Variants in ZFPL1 observed in about 807,000 individuals in gnomAD.
ZFPL1 encodes the protein zinc finger protein-like 1.
ZFPL1 carries 28 observed loss-of-function variants against 32.0 expected under a neutral mutation model. The ratio of observed to expected loss-of-function variants is 0.87; its 90% CI spans 0.65 to 1.20. The LOEUF (loss-of-function observed/expected upper bound fraction) is 1.20. Ranked by LOEUF, ZFPL1 falls within the 50% of genes most tolerant of loss-of-function variation. The probability of loss-of-function intolerance (pLI) is 0.00; values close to 1 mark genes in which losing one functional copy is unlikely to be tolerated. For missense variants in ZFPL1, 386 were observed against 424.8 expected (o/e 0.91, Z 0.80); for synonymous variants, 165 against 177.0 (o/e 0.93, Z 0.54).
In ZFPL1 at chr11:65,084,814, G is replaced by C. The variant is rs372249914; in HGVS notation, c.102+14G>C. 2.5e-5 allele frequency: 40 copies of C among 1,613,798 alleles called. No homozygotes were observed. The highest frequency in any genetic ancestry group is 4.0e-5 in the African/African-American group (3 of 74,922). ...AATCACGCCAAGGTGGGGCCTTCAG[G>C]GGAGCGACTGAGCAGGGCACTGGGT... On this transcript the variant is annotated intron_variant, in intron 2 of 7. Transcript: ENST00000294258.
rs187224214 is a variant in ZFPL1 at position 65,087,611 on chromosome 11, C to T, written c.746+178C>T. ...GCAGCAGAAGCTGTGTTTTGCTTCT[C>T]TCTGGGACTGTCTCTATGCCTCCTA... On this transcript the variant is annotated intron_variant, in intron 7 of 7. Transcript: ENST00000294258. 2.3e-5 allele frequency: 15 copies of T among 659,810 alleles called. No individual in the cohort carries two copies. The East Asian group carries it at 3.0e-4, about 13-fold the overall frequency. 40.9% of individuals were successfully genotyped at this position (659,810 alleles called of 1,614,324 possible).
rs1947696756 is a variant in ZFPL1, at chr11:65,088,024, C to G, written c.843C>G (p.Ala281=). ...TGCTGGGCTTCCTGGCCCTCCTTGC[C>G]CTCATGTCTCGCCTAGGCCGGGCCG... The part of the protein sequence containing the change: ...LGLLGFLALL[A]LMSRLGRAAA... Residue 281 remains alanine (A), a synonymous_variant, in exon 8 of 8, where the codon GCC becomes GCG. Coordinates refer to ENST00000294258, the MANE Select transcript of ZFPL1 (RefSeq NM_006782.4). The G allele has an allele frequency of 6.2e-7, 1 of 1,608,202 alleles. No individual in the cohort carries two copies. Among genetic ancestry groups the G allele is most frequent in the Non-Finnish European group, 8.5e-7 (1 of 1,178,680 alleles).
chr11:65,085,066 TA>T (rs762349183), intron 2 of ZFPL1, 48 bp from the exon 3 acceptor site: 33 of 1,568,222 alleles, frequency 2.1e-5, no homozygotes, highest in Non-Finnish European at 2.8e-5. Flanking sequence ...CTTGGGGTGA[TA>T]GGCCGAGCAG....
At position 65,088,329 on chromosome 11, in the gene ZFPL1, G is replaced by C. The variant is rs1947700245; in HGVS notation, c.*215G>C. 8.5e-7 allele frequency: 1 copy of C among 1,170,480 alleles called. No homozygotes were observed. Among genetic ancestry groups the C allele is most frequent in the Non-Finnish European group, 1.2e-6 (1 of 817,738 alleles). 72.5% of individuals were successfully genotyped at this position (1,170,480 alleles called of 1,614,324 possible). On this transcript the variant is annotated 3_prime_UTR_variant, in exon 8 of 8. Transcript: ENST00000294258. ...TTGTCTTGACTTGCTTTCCTCCCGG[G>C]TCTCCAGCCTCCGACCCCTCGCCCC...
rs1385286747 is a variant in ZFPL1, at chr11:65,088,092, A to G, written c.911A>G (p.His304Arg). 9 of 1,610,654 alleles carry G rather than the reference A, an allele frequency of 5.6e-6. No homozygotes were observed. The Admixed American group carries it at 1.5e-4, about 27-fold the overall frequency. ...AACCTGGACCCACTCATGAACCCTC[A>G]CATCCGCGTGGGCCCCTCCTGAGCC... ...DPNLDPLMNP[H>R]IRVGPS The change falls in exon 8 of 8, where the codon CAC becomes CGC. Residue 304 changes from histidine (H) to arginine (R), a missense_variant. His to Arg is a conservative substitution (Grantham distance 29). Coordinates refer to ENST00000294258, the MANE Select transcript of ZFPL1 (RefSeq NM_006782.4).
At chr11:65,085,842 A>G (rs919453753) in intron 3 of ZFPL1, 3 of 194,346 alleles carry the variant, frequency 1.5e-5, no homozygotes, top group African/African-American at 7.1e-5. Context: ...TGAATGGGTA[A>G]ATGTATGTAT....
At chr11:65,084,589 ATGAGAGGTGTCTGGGGGAGT>A in intron 1 of ZFPL1, 82 bp from the exon 2 acceptor site, 3 of 916,576 alleles carry the variant, frequency 3.3e-6, no homozygotes, top group Non-Finnish European at 5.2e-6. Context: ...CGGGGCGAAT[ATGAGAGGTGTCTGGGGGAGT>A]TAAGAGTGGA....
chr11:65,086,373 T>C (rs1352279666), intron 3 of ZFPL1, 42 bp from the exon 4 acceptor site: 1 of 1,612,990 alleles, frequency 6.2e-7, no homozygotes, highest in Non-Finnish European at 8.5e-7. Context: ...CCTAAGTGTC[T>C]TCTTCCTCAT....
chr11:65,084,884 C>T (rs1025650118), intron 2 of ZFPL1, 84 bp downstream of exon 2: 2 of 1,494,098 alleles, frequency 1.3e-6, no homozygotes, highest in African/African-American at 2.8e-5. Context: ...AGGGGCCCCG[C>T]GCTAGAATGT....
rs1052158133 is a variant in ZFPL1, at chr11:65,085,596, A to G, written c.214+370A>G. ...TCCACCACTGATTCCAAGGCTAAAC[A>G]GAGAGGAAGTGAGTTTCCCACATTA... On this transcript the variant is annotated intron_variant, in intron 3 of 7. Transcript: ENST00000294258. The G allele has an allele frequency of 5.1e-5, 15 of 296,124 alleles. 1 individual carries two copies. The highest frequency in any genetic ancestry group is 5.1e-4 in the Admixed American group (11 of 21,728). 18.3% of individuals were successfully genotyped at this position (296,124 alleles called of 1,614,324 possible).
rs1947699089 is a variant in ZFPL1, at chr11:65,088,203, T to C, written c.*89T>C. On this transcript the variant is annotated 3_prime_UTR_variant, in exon 8 of 8. Coordinates refer to ENST00000294258, the MANE Select transcript of ZFPL1 (RefSeq NM_006782.4). ...GGGGAGGCTGAGGGCACCTCTTCAC[T>C]GCCCCTCTCCCTCAAGCCTAAGACA... is the stretch of plus-strand genomic sequence containing the variant. 5 of 1,455,870 alleles carry C rather than the reference T, an allele frequency of 3.4e-6. No individual in the cohort carries two copies. Among genetic ancestry groups the C allele is most frequent in the Non-Finnish European group, 3.7e-6 (4 of 1,069,718 alleles). The allele number at this position is 1,455,870 out of a possible 1,614,324, so 90.2% of individuals were successfully genotyped here.
intron 3 of ZFPL1, 124 bp downstream of exon 3, chr11:65,085,350 C>A: frequency 1.2e-6 from 1 of 831,672 alleles, no homozygotes; most frequent in South Asian, 1.4e-5. Context: ...AGATTCTAGT[C>A]CTGTTAAAGT....
Position 65,084,287 on chromosome 11 carries a change from G to C in ZFPL1, c.-100G>C. The C allele has an allele frequency of 1.8e-6, 1 of 550,714 alleles. No homozygotes were observed. 34.1% of individuals were successfully genotyped at this position (550,714 alleles called of 1,614,324 possible). On this transcript the variant is annotated 5_prime_UTR_variant, in exon 1 of 8. Transcript: ENST00000294258. ...TGAAGGGAGAGGCGCAGGAGCCCTGGGGAGAGTGGTCCCTGCCCTTCCGCG... is the reference window on the plus strand; with the variant it reads ...TGAAGGGAGAGGCGCAGGAGCCCTGCGGAGAGTGGTCCCTGCCCTTCCGCG...
rs1947696756 is a variant in ZFPL1 at position 65,088,024 on chromosome 11, C to T, written c.843C>T (p.Ala281=). ...TGCTGGGCTTCCTGGCCCTCCTTGC[C>T]CTCATGTCTCGCCTAGGCCGGGCCG... ...LGLLGFLALL[A]LMSRLGRAAA... The change falls in exon 8 of 8, where the codon GCC becomes GCT. Residue 281 remains alanine (A), a synonymous_variant. Transcript: ENST00000294258. The T allele has an allele frequency of 6.2e-7, 1 of 1,608,202 alleles. No individual in the cohort carries two copies.
intron 7 of ZFPL1, 35 bp downstream of exon 7, chr11:65,087,468 G>A (rs1164978165): frequency 6.3e-7 from 1 of 1,596,476 alleles, no homozygotes; most frequent in Admixed American, 1.7e-5. Context: ...ATGCCAGGAA[G>A]GGGTGGAGAG....
At chr11:65,084,999 T>C in intron 2 of ZFPL1, 116 bp from the exon 3 acceptor site, 1 of 1,131,446 alleles carries the variant, frequency 8.8e-7, no homozygotes. Context: ...TATTTATTGA[T>C]TAAACAAACG....
chr11:65,085,013 G>A lies in ZFPL1; in HGVS notation c.103-102G>A, dbSNP rs186093331. ...ATATTTATTGATTAAACAAACGAAA[G>A]GATGAGTCTCCTCTGTGGCTAGAGA... On this transcript the variant is annotated intron_variant, in intron 2 of 7. Transcript: ENST00000294258. 2.0e-5 allele frequency: 24 copies of A among 1,214,190 alleles called. No individual in the cohort carries two copies. The East Asian group carries it at 5.2e-4, about 27-fold the overall frequency. The allele number at this position is 1,214,190 out of a possible 1,614,324, so 75.2% of individuals were successfully genotyped here.
At chr11:65,085,763 C>A (rs558551890) in intron 3 of ZFPL1, 27 of 205,140 alleles carry the variant, frequency 1.3e-4, no homozygotes, top group Admixed American at 8.4e-4. Context: ...CATGTGTGTA[C>A]TTGCAGGCAC....
chr11:65,084,885 G>A, intron 2 of ZFPL1, 85 bp downstream of exon 2: 1 of 1,494,582 alleles, frequency 6.7e-7, no homozygotes, highest in East Asian at 2.3e-5. Flanking sequence ...GGGGCCCCGC[G>A]CTAGAATGTA....
Sources: allele counts gnomAD v4.1 joint callset, GRCh38; gene constraint gnomAD v4.1.1; transcripts MANE v1.5; gene names NCBI Gene and HGNC (gene_info 2026-07-23, HGNC 2026-07-21).